C12orf50: variants seen among roughly 807,000 people sequenced by gnomAD.
C12orf50 encodes the protein uncharacterized protein C12orf50.
Under a neutral mutation model 61.6 loss-of-function variants are expected in C12orf50, and 35 were observed. That is an observed-to-expected ratio of 0.57 (90% confidence interval 0.43 to 0.75). C12orf50 has a LOEUF of 0.75. Among genes scored for constraint, C12orf50 ranks in the 30% least tolerant of loss-of-function variants. C12orf50 has a pLI of 0.00. For synonymous variants in C12orf50, 178 were observed against 161.5 expected, an observed-to-expected ratio of 1.10 and a Z score of -0.77; for missense variants, 475 against 488.5, an observed-to-expected ratio of 0.97 and a Z score of 0.26.
intron 3 of C12orf50, among the ~76,000 whole-genome samples, chr12:88,001,976 T>C (rs948989192): frequency 2.6e-5 from 4 of 151,752 alleles, no homozygotes; most frequent in African/African-American, 9.7e-5. Context: ...TGGTTTTCTT[T>C]ATTCATATTC....
At chr12:88,005,654 T>A (rs1246781923) in intron 3 of C12orf50, among the ~76,000 whole-genome samples, 3 of 152,160 alleles carry the variant, frequency 2.0e-5, no homozygotes, top group Admixed American at 1.3e-4. Flanking sequence ...TTATTTATTT[T>A]TTGGAGACGG....
rs1240112977 is a variant in C12orf50, at chr12:87,986,315, T to C, written c.919A>G (p.Arg307Gly). Residue 307 changes from arginine to glycine, a missense_variant, in exon 10 of 13, where the codon AGA becomes GGA. Transcript: ENST00000298699. ...ATCAAATATATAGACACCTTACCTC[T>C]CTGCATTCCAGAGTTAGGAAAGTTC... The part of the protein sequence containing the change: ...PQNFPNSGMQ[R>G]AVQAPRPQNK... The C allele has an allele frequency of 1.3e-6, 2 of 1,585,856 alleles. No individual in the cohort carries two copies. Among genetic ancestry groups the C allele is most frequent in the Non-Finnish European group, 1.7e-6 (2 of 1,162,472 alleles).
At chr12:87,989,648 C>T (rs891130411) in intron 7 of C12orf50, among the ~76,000 whole-genome samples, 2 of 151,950 alleles carry the variant, frequency 1.3e-5, no homozygotes, top group Non-Finnish European at 2.9e-5. Context: ...AATCTTTAGT[C>T]CCACCCTTTA....
intron 3 of C12orf50, among the ~76,000 whole-genome samples, chr12:87,999,449 A>G (rs1280419169): frequency 6.6e-6 from 1 of 151,990 alleles, no homozygotes; most frequent in Non-Finnish European, 1.5e-5. Context: ...AACAAACAAA[A>G]CCAAATGAGA....
chr12:88,015,486 G>A (rs779408025), intron 3 of C12orf50, among the ~76,000 whole-genome samples: 1 of 152,216 alleles, frequency 6.6e-6, no homozygotes, highest in African/African-American at 2.4e-5. Flanking sequence ...ACAGAATAAA[G>A]TGGCAACTAG....
At chr12:88,021,270 A>C (rs899227527) in intron 3 of C12orf50, among the ~76,000 whole-genome samples, 2 of 150,314 alleles carry the variant, frequency 1.3e-5, no homozygotes, top group Admixed American at 6.7e-5. Context: ...AATTAATAAG[A>C]AAGATAGACT....
chr12:88,000,295 A>G (rs906378319), intron 3 of C12orf50, among the ~76,000 whole-genome samples: 1 of 152,082 alleles, frequency 6.6e-6, no homozygotes, highest in African/African-American at 2.4e-5. Flanking sequence ...TCTTTTCCCC[A>G]TTGAATGATC....
At chr12:87,987,791 C>T in intron 9 of C12orf50, 59 bp downstream of exon 9, 1 of 1,109,176 alleles carries the variant, frequency 9.0e-7, no homozygotes, top group East Asian at 2.5e-5. Flanking sequence ...ATAAGCAAAA[C>T]AAATCCATGG....
At chr12:88,012,384 G>C (rs909516669) in intron 3 of C12orf50, among the ~76,000 whole-genome samples, 16 of 152,150 alleles carry the variant, frequency 1.1e-4, no homozygotes, top group African/African-American at 3.9e-4. Context: ...TAGGTTAAAA[G>C]AGCCTTTTGT....
At chr12:87,989,468 A>G in intron 7 of C12orf50, 97 bp from the exon 8 acceptor site, 1 of 793,416 alleles carries the variant, frequency 1.3e-6, no homozygotes, top group Non-Finnish European at 2.1e-6. Flanking sequence ...CCTTTTGTTC[A>G]CCTTTCTTTG....
chr12:87,994,180 AC>A (rs1437448032), intron 7 of C12orf50, among the ~76,000 whole-genome samples: 1 of 152,058 alleles, frequency 6.6e-6, no homozygotes, highest in Non-Finnish European at 1.5e-5. Flanking sequence ...AGCCTAGGTG[AC>A]AAAGTGAGAC....
chr12:87,982,909 A>G (rs1361742012), intron 12 of C12orf50, among the ~76,000 whole-genome samples, 194 bp downstream of exon 12: 2 of 152,210 alleles, frequency 1.3e-5, no homozygotes, highest in African/African-American at 4.8e-5. Flanking sequence ...AAAAATAGGC[A>G]AAGAGGAACA....
At chr12:88,014,552 G>A (rs573898532) in intron 3 of C12orf50, among the ~76,000 whole-genome samples, 2 of 152,256 alleles carry the variant, frequency 1.3e-5, no homozygotes, top group Admixed American at 1.3e-4. Flanking sequence ...GCCCGCCTCG[G>A]CCTCCCAAAG....
In C12orf50 at chr12:87,980,177, C is replaced by G. The variant is rs1213246345; in HGVS notation, c.*154G>C. 1.4e-6 allele frequency: 1 copy of G among 717,058 alleles called. No individual in the cohort carries two copies. The highest frequency in any genetic ancestry group is 1.8e-5 in the African/African-American group (1 of 55,842). 44.4% of individuals were successfully genotyped at this position (717,058 alleles called of 1,614,324 possible). A position where few individuals can be genotyped will look rare whatever the true frequency, so the allele number is the denominator to read the frequency against. ...AAAGAGCACAATGTACTTCCTGCAT[C>G]TTATTTTCAGAATTTGCATTTTTAT... On this transcript the variant is annotated 3_prime_UTR_variant, in exon 13 of 13. Transcript: ENST00000298699.
intron 7 of C12orf50, 52 bp downstream of exon 7, chr12:87,994,581 C>T: frequency 1.6e-6 from 2 of 1,219,442 alleles, no homozygotes; most frequent in Non-Finnish European, 2.4e-6. Flanking sequence ...AATTCAGACT[C>T]ATTTATTATG....
chr12:88,023,743 G>C (rs1458872465), intron 3 of C12orf50, among the ~76,000 whole-genome samples: 1 of 150,266 alleles, frequency 6.7e-6, no homozygotes, highest in Non-Finnish European at 1.5e-5. Flanking sequence ...ACATGACAAA[G>C]ATTTCATGAC....
At chr12:87,989,223 G>T in intron 8 of C12orf50, 41 bp downstream of exon 8, 2 of 1,430,588 alleles carry the variant, frequency 1.4e-6, no homozygotes, top group Non-Finnish European at 1.9e-6. Context: ...AACTTGCCTA[G>T]CCAAATTACA....
In C12orf50 at chr12:87,983,211, C is replaced by G. The variant is rs1416671476; in HGVS notation, c.1127-16G>C. ...GTATATTTGTCTGAGGGAAAAAAAT[C>G]CAGAATTAAATATTTTATAACTTTA... On this transcript the variant is annotated splice_polypyrimidine_tract_variant and intron_variant, in intron 11 of 12. Coordinates refer to ENST00000298699, the MANE Select transcript of C12orf50 (RefSeq NM_152589.3). 1 of 1,513,286 alleles carries G rather than the reference C, an allele frequency of 6.6e-7. No individual in the cohort carries two copies. The highest frequency in any genetic ancestry group is 1.4e-5 in the African/African-American group (1 of 72,040). The allele number at this position is 1,513,286 out of a possible 1,614,324, so 93.7% of individuals were successfully genotyped here. A position where few individuals can be genotyped will look rare whatever the true frequency, so the allele number is the denominator to read the frequency against.
intron 7 of C12orf50, among the ~76,000 whole-genome samples, chr12:87,991,143 A>C (rs1044583775): frequency 6.6e-6 from 1 of 152,154 alleles, no homozygotes. Flanking sequence ...ATCATCCCTA[A>C]TAAAGCCCAA....
Sources: gnomAD v4.1 joint callset for allele counts (sites outside exome capture counted in the v4.1 genomes callset) on GRCh38, gnomAD v4.1.1 for gene constraint, MANE v1.5 for transcripts, NCBI Gene and HGNC (gene_info 2026-07-23, HGNC 2026-07-21) for gene names.